The following CDH12 variants were observed in gnomAD, a reference collection of about 807,000 sequenced individuals.
CDH12 encodes cadherin 12.
Under a neutral mutation model 74.1 loss-of-function variants are expected in CDH12, and 41 were observed. The ratio of observed to expected loss-of-function variants is 0.55; its 90% CI spans 0.43 to 0.72. CDH12 has a LOEUF of 0.72. CDH12 is among the 30% of genes least tolerant of loss of function. CDH12 has a pLI of 0.00. For missense variants in CDH12, 945 were observed against 977.2 expected, an observed-to-expected ratio of 0.97 and a Z score of 0.44; for synonymous variants, 399 against 355.0, an observed-to-expected ratio of 1.12 and a Z score of -1.39.
chr5:22,607,155 C>A (rs529258151), intron 1 of CDH12, among the ~76,000 whole-genome samples: 1 of 151,940 alleles, frequency 6.6e-6, no homozygotes, highest in Non-Finnish European at 1.5e-5. Context: ...GCTGTCTGAC[C>A]GTGAGGTAGA....
At position 22,044,924 on chromosome 5, in the gene CDH12, C is replaced by G. The variant is rs1466248657; in HGVS notation, c.231+33522G>C. On this transcript the variant is annotated intron_variant, in intron 5 of 14. Transcript: ENST00000382254. ...GATGAAACTTCAAAAGCACAGGCAA[C>G]AAAAGCAAAAATAGACAAATGGGAT... 3.3e-5 allele frequency among the ~76,000 whole-genome samples: 5 copies of G among 151,964 alleles called. No individual in the cohort carries two copies. In the East Asian group the frequency reaches 7.7e-4, roughly 23 times the overall value.
At position 21,751,726 on chromosome 5, in the gene CDH12, C is replaced by T. The variant is rs1271821888; in HGVS notation, c.*11G>A. 1.9e-6 allele frequency: 3 copies of T among 1,593,600 alleles called. No individual in the cohort carries two copies. Among genetic ancestry groups the T allele is most frequent in the Admixed American group, 3.6e-5 (2 of 55,816 alleles). ...TCCCCTCTCGGTTGTATTTTAGCCT[C>T]CACGACTCCCTTAAGTGACTTTATC... On this transcript the variant is annotated 3_prime_UTR_variant, in exon 15 of 15. Transcript: ENST00000382254.
chr5:21,809,861 T>A (rs2149934926), intron 9 of CDH12, among the ~76,000 whole-genome samples: 1 of 152,156 alleles, frequency 6.6e-6, no homozygotes, highest in South Asian at 2.1e-4. Context: ...CTTGTAAGTA[T>A]CATAGATGCT....
At chr5:22,427,734 A>G (rs1377945561) in intron 2 of CDH12, among the ~76,000 whole-genome samples, 1 of 152,146 alleles carries the variant, frequency 6.6e-6, no homozygotes, top group African/African-American at 2.4e-5. Flanking sequence ...TCACACTCAC[A>G]TTACAATAAG....
At chr5:22,535,241 G>T (rs140295054) in intron 1 of CDH12, among the ~76,000 whole-genome samples, 131 of 140,414 alleles carry the variant, frequency 9.3e-4, no homozygotes, top group Middle Eastern at 7.6e-3. Context: ...TGCAAGCTCC[G>T]CTTCCCGGGT....
chr5:22,221,413 G>A (rs1351625839), intron 3 of CDH12, among the ~76,000 whole-genome samples: 1 of 151,722 alleles, frequency 6.6e-6, no homozygotes, highest in Non-Finnish European at 1.5e-5. Context: ...CTGTAAATGT[G>A]TCAGTGTTGT....
intron 1 of CDH12, among the ~76,000 whole-genome samples, chr5:22,659,759 T>C (rs2126896044): frequency 6.6e-6 from 1 of 152,214 alleles, no homozygotes; most frequent in South Asian, 2.1e-4. Flanking sequence ...CACATACATA[T>C]GTCTATACAC....
At chr5:22,667,079 T>A (rs1181318797) in intron 1 of CDH12, among the ~76,000 whole-genome samples, 1 of 152,218 alleles carries the variant, frequency 6.6e-6, no homozygotes, top group African/African-American at 2.4e-5. Context: ...ACAGAATGTG[T>A]AAGAGGTACT....
At chr5:22,018,480 C>T (rs1173011251) in intron 5 of CDH12, among the ~76,000 whole-genome samples, 1 of 152,142 alleles carries the variant, frequency 6.6e-6, no homozygotes, top group African/African-American at 2.4e-5. Flanking sequence ...TCACTGTGTG[C>T]TGCACATACG....
At position 22,080,463 on chromosome 5, in the gene CDH12, A is replaced by G. The variant is rs548287331; in HGVS notation, c.-186-1601T>C. Among the ~76,000 whole-genome samples, 293 of 152,294 alleles carry G rather than the reference A, an allele frequency of 1.9e-3. 1 individual carries two copies. The highest frequency in any genetic ancestry group is 6.6e-3 in the African/African-American group (276 of 41,578). On this transcript the variant is annotated intron_variant, in intron 4 of 14. Coordinates refer to ENST00000382254, the MANE Select transcript of CDH12 (RefSeq NM_004061.5). ...ATTTTTTTCTTCTTTATAAGAGTGT[A>G]ACTGTAACTGTTAGATATTGACAAA... is the stretch of plus-strand genomic sequence containing the variant.
chr5:22,147,553 C>T lies in CDH12; in HGVS notation c.-187+64945G>A, dbSNP rs184475168. On this transcript the variant is annotated intron_variant, in intron 4 of 14. Transcript: ENST00000382254. ...TCTGTATTAGTCCATTTTCATGCTG[C>T]TGATTAAGTCATACCTGAGACTGGG... is the stretch of plus-strand genomic sequence containing the variant. 4.7e-3 allele frequency among the ~76,000 whole-genome samples: 711 copies of T among 150,754 alleles called. 3 individuals carry two copies. The highest frequency in any genetic ancestry group is 0.016 in the African/African-American group (673 of 40,996).
chr5:22,510,305 C>T (rs932661317), intron 1 of CDH12, among the ~76,000 whole-genome samples: 12 of 151,896 alleles, frequency 7.9e-5, no homozygotes, highest in Non-Finnish European at 1.8e-4. Context: ...AGAACAAAAC[C>T]CAAGAAGTTA....
At chr5:21,753,396 C>T (rs901304849) in intron 14 of CDH12, among the ~76,000 whole-genome samples, 2 of 152,146 alleles carry the variant, frequency 1.3e-5, no homozygotes, top group African/African-American at 4.8e-5. Flanking sequence ...GAACAAAGGA[C>T]ATGATTGTTT....
At chr5:22,460,552 G>A (rs1021372317) in intron 2 of CDH12, among the ~76,000 whole-genome samples, 10 of 152,126 alleles carry the variant, frequency 6.6e-5, no homozygotes, top group Middle Eastern at 3.4e-3. Context: ...AAATAAAAAC[G>A]AAAGTGGGAT....
At chr5:21,795,257 T>C (rs1317791339) in intron 10 of CDH12, among the ~76,000 whole-genome samples, 1 of 151,788 alleles carries the variant, frequency 6.6e-6, no homozygotes, top group African/African-American at 2.4e-5. Context: ...TTAGAGACAA[T>C]TGTGATCCAA....
At chr5:21,783,287 A>G (rs1746012039) in intron 11 of CDH12, 71 bp downstream of exon 11, 1 of 1,350,916 alleles carries the variant, frequency 7.4e-7, no homozygotes, top group Non-Finnish European at 1.0e-6. Flanking sequence ...ACATCTCAGC[A>G]GGGACTCATT....
At chr5:22,456,050 C>A (rs527606508) in intron 2 of CDH12, among the ~76,000 whole-genome samples, 3 of 150,996 alleles carry the variant, frequency 2.0e-5, no homozygotes, top group Admixed American at 6.6e-5. Context: ...GAATAGTGAG[C>A]AAATTTGGCA....
At chr5:22,563,063 T>C (rs1045205977) in intron 1 of CDH12, among the ~76,000 whole-genome samples, 1 of 147,380 alleles carries the variant, frequency 6.8e-6, no homozygotes, top group African/African-American at 2.5e-5. Context: ...TAAATATATA[T>C]AGATTTATAT....
intron 4 of CDH12, among the ~76,000 whole-genome samples, chr5:22,173,074 A>C (rs1158847711): frequency 6.6e-6 from 1 of 151,352 alleles, no homozygotes; most frequent in East Asian, 1.9e-4. Flanking sequence ...TTATCAAACT[A>C]GGCTGTCCAT....
Sources: gnomAD v4.1 joint callset for allele counts (sites outside exome capture counted in the v4.1 genomes callset) on GRCh38, gnomAD v4.1.1 for gene constraint, MANE v1.5 for transcripts, NCBI Gene and HGNC (gene_info 2026-07-23, HGNC 2026-07-21) for gene names.